Variants in DACH1 observed in about 807,000 individuals in gnomAD.
DACH1 encodes dachshund family transcription factor 1.
A neutral mutation model predicts 54.2 loss-of-function variants in DACH1; 12 were observed. The observed-to-expected ratio is 0.22, with a 90% CI of 0.14 to 0.36. The LOEUF is 0.36. DACH1 is among the 10% of genes least tolerant of loss of function. The pLI is 1.00. For synonymous variants in DACH1, 386 were observed against 366.2 expected (o/e 1.05, Z -0.62); for missense variants, 805 against 929.8 (o/e 0.87, Z 1.75).
chr13:71,450,448 C>T (rs1261792666), intron 10 of DACH1, among the ~76,000 whole-genome samples: 2 of 152,058 alleles, frequency 1.3e-5, no homozygotes, highest in Non-Finnish European at 2.9e-5. Context: ...TCTGACTGTT[C>T]CACCAACAAC....
chr13:71,530,424 A>G (rs1474716612), intron 6 of DACH1, among the ~76,000 whole-genome samples: 1 of 152,084 alleles, frequency 6.6e-6, no homozygotes, highest in Admixed American at 6.5e-5. Context: ...GTTACATTAC[A>G]TTATTTGGAC....
intron 1 of DACH1, among the ~76,000 whole-genome samples, chr13:71,864,214 C>CACACACACACA (rs35136330): frequency 8.1e-4 from 92 of 113,330 alleles, no homozygotes; most frequent in East Asian, 2.4e-3. Flanking sequence ...CACACACACA[C>CACACACACACA]AACATTTACC....
intron 1 of DACH1, among the ~76,000 whole-genome samples, chr13:71,765,187 C>T (rs142763505): frequency 3.4e-4 from 52 of 152,262 alleles, no homozygotes; most frequent in African/African-American, 1.2e-3. Flanking sequence ...TTCTGTATTC[C>T]CTTCCTGTTG....
At chr13:71,486,663 CT>C (rs1878529357) in intron 7 of DACH1, among the ~76,000 whole-genome samples, 1 of 151,720 alleles carries the variant, frequency 6.6e-6, no homozygotes, top group Admixed American at 6.6e-5. Context: ...TTTATTTCAC[CT>C]TGTGGGCACA....
At chr13:71,640,785 G>A (rs1375191417) in intron 2 of DACH1, among the ~76,000 whole-genome samples, 1 of 152,028 alleles carries the variant, frequency 6.6e-6, no homozygotes, top group Non-Finnish European at 1.5e-5. Flanking sequence ...GTTTTGTTAA[G>A]AGGCTTCTTG....
chr13:71,652,898 T>C (rs117055095), intron 2 of DACH1, among the ~76,000 whole-genome samples: 10 of 152,248 alleles, frequency 6.6e-5, no homozygotes, highest in Admixed American at 2.6e-4. Flanking sequence ...CTAGAAAATG[T>C]AGAAAAGTGG....
At chr13:71,811,340 A>G (rs1018236571) in intron 1 of DACH1, among the ~76,000 whole-genome samples, 9 of 152,198 alleles carry the variant, frequency 5.9e-5, no homozygotes, top group African/African-American at 2.2e-4. Flanking sequence ...TATAAAATGT[A>G]TGTTCCATAT....
intron 10 of DACH1, chr13:71,464,676 G>C (rs1390445960): frequency 2.0e-5 from 9 of 450,090 alleles, no homozygotes; most frequent in African/African-American, 1.8e-4. Context: ...TTGCTTCAGT[G>C]AGATTCATTC....
chr13:71,585,635 A>G (rs1470140355), intron 3 of DACH1, among the ~76,000 whole-genome samples: 3 of 152,142 alleles, frequency 2.0e-5, no homozygotes, highest in Admixed American at 2.0e-4. Flanking sequence ...GAGAGAACAC[A>G]TATTAGGAAA....
intron 2 of DACH1, among the ~76,000 whole-genome samples, chr13:71,650,297 C>T (rs1878580429): frequency 6.6e-6 from 1 of 152,150 alleles, no homozygotes; most frequent in Non-Finnish European, 1.5e-5. Context: ...TTTTGTTACA[C>T]AGACAATTTC....
chr13:71,479,155 A>G lies in DACH1; in HGVS notation c.1870+14T>C. 6.3e-7 allele frequency: 1 copy of G among 1,590,996 alleles called. No individual in the cohort carries two copies. Among genetic ancestry groups the G allele is most frequent in the Non-Finnish European group, 8.5e-7 (1 of 1,171,514 alleles). On this transcript the variant is annotated intron_variant, in intron 8 of 10. Transcript: ENST00000613252. ...TTCTGTAAATATTTAACTTATCTGGAAATTTGGAAATACCTCTATTCTTTT... is the reference window on the plus strand; with the variant it reads ...TTCTGTAAATATTTAACTTATCTGGGAATTTGGAAATACCTCTATTCTTTT...
Position 71,809,895 on chromosome 13 carries a change from A to T in DACH1, c.848+56027T>A, listed in dbSNP as rs537121043. 2.6e-5 allele frequency among the ~76,000 whole-genome samples: 4 copies of T among 152,280 alleles called. No individual in the cohort carries two copies. The East Asian group carries it at 7.7e-4, about 29-fold the overall frequency. On this transcript the variant is annotated intron_variant, in intron 1 of 10. Transcript: ENST00000613252. ...ACACTTTTTGAGTGTTAATTCCCGA[A>T]AGTTCAGAGTCCTCAAGAAAAAGAG...
At chr13:71,507,171 T>C (rs1211135811) in intron 6 of DACH1, among the ~76,000 whole-genome samples, 1 of 152,200 alleles carries the variant, frequency 6.6e-6, no homozygotes, top group Non-Finnish European at 1.5e-5. Context: ...AAGATTCTTA[T>C]ACATCCCCGA....
chr13:71,866,526 T>TGCCGCCGCCTCCGCTGCCGCC lies in DACH1; in HGVS notation c.243_244insGGCGGCAGCGGAGGCGGCGGC (p.Gly81_Ser82insGlyGlySerGlyGlyGlyGly). 8.1e-7 allele frequency: 1 copy of TGCCGCCGCCTCCGCTGCCGCC among 1,233,676 alleles called. No individual in the cohort carries two copies. Among genetic ancestry groups the TGCCGCCGCCTCCGCTGCCGCC allele is most frequent in the Non-Finnish European group, 1.0e-6 (1 of 992,452 alleles). The allele number at this position is 1,233,676 out of a possible 1,614,324, so 76.4% of individuals were successfully genotyped here. On this transcript the variant is annotated inframe_insertion, in exon 1 of 11. Transcript: ENST00000613252. The stretch of plus-strand genomic sequence containing the variant: ...CCGCTGCTGCCGCCGCCGCCTCCGC[T>TGCCGCCGCCTCCGCTGCCGCC]GCCGCCGCCGCCGCCGCCGCCGCCG...
chr13:71,800,247 C>A (rs1377833412), intron 1 of DACH1, among the ~76,000 whole-genome samples: 1 of 151,954 alleles, frequency 6.6e-6, no homozygotes, highest in Non-Finnish European at 1.5e-5. Flanking sequence ...GAGAAAGGAA[C>A]TAAAATAAGG....
intron 1 of DACH1, among the ~76,000 whole-genome samples, chr13:71,836,684 A>T (rs149627416): frequency 1.3e-5 from 2 of 152,236 alleles, no homozygotes; most frequent in East Asian, 3.9e-4. Context: ...TGAGCTCTTC[A>T]TATCGCCTTC....
At position 71,439,616 on chromosome 13, in the gene DACH1, T is replaced by C. The variant is rs1873829248; in HGVS notation, c.*1039A>G. 6.6e-6 allele frequency: 1 copy of C among 152,436 alleles called. No individual in the cohort carries two copies. Among genetic ancestry groups the C allele is most frequent in the Non-Finnish European group, 1.5e-5 (1 of 67,910 alleles). 9.4% of individuals were successfully genotyped at this position (152,436 alleles called of 1,614,324 possible). On this transcript the variant is annotated 3_prime_UTR_variant, in exon 11 of 11. Coordinates refer to ENST00000613252, the MANE Select transcript of DACH1 (RefSeq NM_080759.6). ...TTGGGGCACTAGCTAGGGTTCAATATACAAATAAAAGTGGCTGACACAGAG... is the reference window on the plus strand; with the variant it reads ...TTGGGGCACTAGCTAGGGTTCAATACACAAATAAAAGTGGCTGACACAGAG...
At chr13:71,639,316 G>A (rs183177400) in intron 2 of DACH1, among the ~76,000 whole-genome samples, 2 of 152,178 alleles carry the variant, frequency 1.3e-5, no homozygotes, top group East Asian at 3.9e-4. Flanking sequence ...TGTAAATCTG[G>A]TTAGACTGAA....
intron 2 of DACH1, among the ~76,000 whole-genome samples, chr13:71,678,034 A>G (rs1316236678): frequency 6.6e-6 from 1 of 152,196 alleles, no homozygotes; most frequent in African/African-American, 2.4e-5. Flanking sequence ...ATAGGTATTT[A>G]TAAATTTGTC....
Sources: gnomAD v4.1 joint callset for allele counts (sites outside exome capture counted in the v4.1 genomes callset) on GRCh38, gnomAD v4.1.1 for gene constraint, MANE v1.5 for transcripts, NCBI Gene and HGNC (gene_info 2026-07-23, HGNC 2026-07-21) for gene names.